Variants in ASTN2 observed in about 807,000 individuals in gnomAD.
The protein encoded by ASTN2 is astrotactin 2, also known as astrotactin-2.
A neutral mutation model predicts 139.8 loss-of-function variants in ASTN2; 54 were observed. The observed-to-expected ratio is 0.39, with a 90% CI of 0.31 to 0.48. The LOEUF (loss-of-function observed/expected upper bound fraction) is 0.48, where lower values mean the gene tolerates loss of function less well. ASTN2 is among the 20% of genes least tolerant of loss of function. The pLI is 0.95. For missense variants in ASTN2, 1,565 were observed against 1,725.1 expected, an observed-to-expected ratio of 0.91 and a Z score of 1.64; for synonymous variants, 756 against 719.5, an observed-to-expected ratio of 1.05 and a Z score of -0.81.
intron 17 of ASTN2, among the ~76,000 whole-genome samples, chr9:116,640,741 A>G (rs1487430433): frequency 6.6e-6 from 1 of 152,244 alleles, no homozygotes; most frequent in East Asian, 1.9e-4. Flanking sequence ...GGAAGTCGAT[A>G]AATGGTTTTA....
intron 10 of ASTN2, among the ~76,000 whole-genome samples, chr9:116,882,953 C>G (rs549944930): frequency 1.1e-4 from 17 of 152,252 alleles, no homozygotes; most frequent in Non-Finnish European, 1.9e-4. Context: ...GGGAGTATAA[C>G]TTGCCAACAT....
chr9:116,997,544 C>G (rs192633075), intron 7 of ASTN2, among the ~76,000 whole-genome samples: 14 of 152,172 alleles, frequency 9.2e-5, no homozygotes, highest in African/African-American at 3.4e-4. Flanking sequence ...TCTGAGAATT[C>G]TATACAAATA....
chr9:117,002,488 G>A (rs1837219786), intron 7 of ASTN2, among the ~76,000 whole-genome samples: 1 of 152,212 alleles, frequency 6.6e-6, no homozygotes, highest in Admixed American at 6.5e-5. Flanking sequence ...GAGATGTGTT[G>A]GAATAAGAGA....
intron 1 of ASTN2, among the ~76,000 whole-genome samples, chr9:117,405,497 C>G (rs921641430): frequency 4.6e-5 from 7 of 152,138 alleles, no homozygotes; most frequent in Non-Finnish European, 1.0e-4. Flanking sequence ...CATAGCCTAT[C>G]CTATGTAGGA....
chr9:117,376,017 C>G (rs896419619), intron 1 of ASTN2, among the ~76,000 whole-genome samples: 1 of 152,176 alleles, frequency 6.6e-6, no homozygotes, highest in Non-Finnish European at 1.5e-5. Flanking sequence ...ACAGTGATTA[C>G]ATAGGGCCCA....
At chr9:116,484,077 G>A (rs1035738512) in intron 20 of ASTN2, among the ~76,000 whole-genome samples, 1 of 152,140 alleles carries the variant, frequency 6.6e-6, no homozygotes, top group Non-Finnish European at 1.5e-5. Context: ...ATTCTGGATG[G>A]TCGTTCCTTC....
chr9:116,955,655 A>G (rs1835685222), intron 10 of ASTN2, among the ~76,000 whole-genome samples: 1 of 152,218 alleles, frequency 6.6e-6, no homozygotes, highest in Non-Finnish European at 1.5e-5. Context: ...GGATCCATGT[A>G]GGCAAAGATT....
intron 1 of ASTN2, among the ~76,000 whole-genome samples, chr9:117,351,194 TTGG>T (rs1261538450): frequency 6.6e-6 from 1 of 152,138 alleles, no homozygotes; most frequent in East Asian, 1.9e-4. Context: ...CTATAAAGAA[TTGG>T]TAGGATTAAG....
chr9:116,859,072 G>A (rs1372033307), intron 11 of ASTN2, among the ~76,000 whole-genome samples: 1 of 152,124 alleles, frequency 6.6e-6, no homozygotes, highest in African/African-American at 2.4e-5. Context: ...TCCTTAGCAT[G>A]TAACTCTCTT....
intron 4 of ASTN2, among the ~76,000 whole-genome samples, chr9:117,134,581 T>G (rs1347916250): frequency 6.6e-6 from 1 of 152,020 alleles, no homozygotes; most frequent in Non-Finnish European, 1.5e-5. Context: ...CGTTACCCCC[T>G]GCACAGCTTC....
intron 19 of ASTN2, among the ~76,000 whole-genome samples, chr9:116,565,795 T>TC (rs947011053): frequency 2.0e-4 from 30 of 152,116 alleles, no homozygotes; most frequent in African/African-American, 6.8e-4. Flanking sequence ...CATCCTATTT[T>TC]CTTTTTTTAA....
At chr9:117,203,724 C>A (rs1831812899) in intron 3 of ASTN2, among the ~76,000 whole-genome samples, 1 of 152,152 alleles carries the variant, frequency 6.6e-6, no homozygotes, top group Non-Finnish European at 1.5e-5. Flanking sequence ...AAGATGGATG[C>A]CTGTTCCTAC....
At chr9:117,290,818 C>T (rs1170828899) in intron 2 of ASTN2, among the ~76,000 whole-genome samples, 2 of 152,172 alleles carry the variant, frequency 1.3e-5, no homozygotes, top group South Asian at 4.1e-4. Context: ...TATGGAGGGG[C>T]TTCTGTGGAC....
intron 19 of ASTN2, among the ~76,000 whole-genome samples, chr9:116,508,615 C>A (rs1239149088): frequency 1.3e-5 from 2 of 152,120 alleles, no homozygotes; most frequent in African/African-American, 2.4e-5. Context: ...ATGAACCTTA[C>A]AACAGCACTT....
chr9:117,366,366 T>C (rs1391788766), intron 1 of ASTN2, among the ~76,000 whole-genome samples: 1 of 152,262 alleles, frequency 6.6e-6, no homozygotes, highest in East Asian at 1.9e-4. Flanking sequence ...TCTCCTTTGA[T>C]GCTCTCATCA....
At chr9:117,111,436 TA>T (rs56901733) in intron 4 of ASTN2, among the ~76,000 whole-genome samples, 85,688 of 149,398 alleles carry the variant, frequency 0.57, 25,131 homozygotes, top group East Asian at 0.79. Context: ...ATGTATAAAA[TA>T]AAAAAAAAAA....
At chr9:117,396,301 G>A (rs1056032166) in intron 1 of ASTN2, among the ~76,000 whole-genome samples, 1 of 152,102 alleles carries the variant, frequency 6.6e-6, no homozygotes, top group Non-Finnish European at 1.5e-5. Flanking sequence ...ACTGCCAGAT[G>A]AGCCTGCGTT....
chr9:116,717,832 AC>A (rs1183529146), intron 16 of ASTN2, among the ~76,000 whole-genome samples: 1 of 152,174 alleles, frequency 6.6e-6, no homozygotes, highest in Non-Finnish European at 1.5e-5. Context: ...AGCTATGGAG[AC>A]TTTCATCCCA....
At chr9:117,289,276 G>A (rs942365522) in intron 2 of ASTN2, among the ~76,000 whole-genome samples, 1 of 152,178 alleles carries the variant, frequency 6.6e-6, no homozygotes, top group Non-Finnish European at 1.5e-5. Flanking sequence ...GCTCATGGGT[G>A]GGGAGGGTCT....
Sources: allele counts gnomAD v4.1 joint callset (sites outside exome capture counted in the v4.1 genomes callset), GRCh38; gene constraint gnomAD v4.1.1; transcripts MANE v1.5; gene names NCBI Gene and HGNC (gene_info 2026-07-23, HGNC 2026-07-21).